Variants in EYA2 observed in about 807,000 individuals in gnomAD.
The protein encoded by EYA2 is EYA transcriptional coactivator and phosphatase 2, also known as protein phosphatase EYA2.
Under a neutral mutation model 69.2 loss-of-function variants are expected in EYA2, and 31 were observed. The ratio of observed to expected loss-of-function variants is 0.45; its 90% CI spans 0.34 to 0.60. The LOEUF (loss-of-function observed/expected upper bound fraction) is 0.60. Among genes scored for constraint, EYA2 ranks in the 20% least tolerant of loss-of-function variants. EYA2 has a pLI of 0.02. For missense variants in EYA2, 622 were observed against 701.2 expected, an observed-to-expected ratio of 0.89 and a Z score of 1.28; for synonymous variants, 257 against 279.4, an observed-to-expected ratio of 0.92 and a Z score of 0.80.
chr20:47,105,586 C>T (rs2032549951), intron 9 of EYA2, among the ~76,000 whole-genome samples: 3 of 142,174 alleles, frequency 2.1e-5, no homozygotes, highest in East Asian at 2.1e-4. Context: ...GATCACGCCA[C>T]TGAACTCCAG....
intron 9 of EYA2, among the ~76,000 whole-genome samples, chr20:47,136,559 C>A (rs1445455317): frequency 6.6e-6 from 1 of 151,938 alleles, no homozygotes; most frequent in Non-Finnish European, 1.5e-5. Context: ...CCCTGGGCCA[C>A]ATAGCAAGAC....
chr20:46,920,788 G>A (rs553305612), intron 1 of EYA2, among the ~76,000 whole-genome samples: 2 of 152,310 alleles, frequency 1.3e-5, no homozygotes, highest in African/African-American at 4.8e-5. Context: ...CCTCTCCAGA[G>A]GGCCAGAGCC....
chr20:47,035,844 A>G (rs77951579), intron 5 of EYA2, among the ~76,000 whole-genome samples: 4 of 143,986 alleles, frequency 2.8e-5, no homozygotes, highest in East Asian at 2.0e-4. Context: ...CCCGTCTCTG[A>G]AAAAAAAAAA....
chr20:46,895,522 G>C (rs1983761729), intron 1 of EYA2, among the ~76,000 whole-genome samples: 1 of 152,202 alleles, frequency 6.6e-6, no homozygotes. Context: ...GTCCGTTTGC[G>C]CTCGGCCCGC....
At chr20:46,904,613 G>A (rs563582842) in intron 1 of EYA2, among the ~76,000 whole-genome samples, 1 of 152,128 alleles carries the variant, frequency 6.6e-6, no homozygotes, top group Admixed American at 6.5e-5. Flanking sequence ...AAAAAAATGA[G>A]GTTCTTGCTC....
At chr20:47,011,205 C>G (rs972920120) in intron 4 of EYA2, among the ~76,000 whole-genome samples, 1 of 152,116 alleles carries the variant, frequency 6.6e-6, no homozygotes, top group Non-Finnish European at 1.5e-5. Flanking sequence ...GTCCAAAACC[C>G]TCATTGTAGT....
chr20:47,163,698 CAAAA>C (rs11471495), intron 10 of EYA2, among the ~76,000 whole-genome samples: 1,777 of 85,542 alleles, frequency 0.021, 43 homozygotes, highest in African/African-American at 0.071. Context: ...AACACTGTCT[CAAAA>C]AAAAAAAAAA....
intron 12 of EYA2, among the ~76,000 whole-genome samples, chr20:47,173,514 A>AAAG (rs1335391068): frequency 0.022 from 3,303 of 148,986 alleles, 190 homozygotes; most frequent in African/African-American, 0.075. Context: ...CCCCGTAAAA[A>AAAG]AAAAAAAAAA....
At chr20:47,173,763 G>A (rs2034376870) in intron 12 of EYA2, among the ~76,000 whole-genome samples, 1 of 152,074 alleles carries the variant, frequency 6.6e-6, no homozygotes, top group Non-Finnish European at 1.5e-5. Flanking sequence ...TGACTGTGGA[G>A]GCATTAAAGT....
At chr20:47,112,909 T>C (rs1477237463) in intron 9 of EYA2, among the ~76,000 whole-genome samples, 3 of 132,080 alleles carry the variant, frequency 2.3e-5, no homozygotes, top group Non-Finnish European at 3.2e-5. Flanking sequence ...TCTTATTCTG[T>C]CACCCGGGCT....
chr20:47,148,424 C>T (rs533113294), intron 10 of EYA2, among the ~76,000 whole-genome samples: 2 of 152,284 alleles, frequency 1.3e-5, no homozygotes, highest in East Asian at 1.9e-4. Flanking sequence ...AGTGGGGGTT[C>T]TATGGTACCA....
intron 10 of EYA2, among the ~76,000 whole-genome samples, chr20:47,162,516 C>CATT: frequency 9.8e-6 from 1 of 102,434 alleles, no homozygotes; most frequent in South Asian, 3.1e-4. Context: ...CACACATTAT[C>CATT]CTTTTTTTTT....
At chr20:47,115,324 A>C (rs1285118568) in intron 9 of EYA2, among the ~76,000 whole-genome samples, 1 of 152,158 alleles carries the variant, frequency 6.6e-6, no homozygotes, top group Non-Finnish European at 1.5e-5. Context: ...CTGGCCATAC[A>C]GGTGCCTTTG....
chr20:47,065,928 C>T (rs921329597), intron 5 of EYA2, among the ~76,000 whole-genome samples: 12 of 152,140 alleles, frequency 7.9e-5, no homozygotes, highest in African/African-American at 2.9e-4. Flanking sequence ...AGTGTCAACA[C>T]CATATCTAAA....
At chr20:47,097,416 A>T (rs974179149) in intron 9 of EYA2, among the ~76,000 whole-genome samples, 2 of 152,190 alleles carry the variant, frequency 1.3e-5, no homozygotes. Context: ...CATTTACTTG[A>T]TAGGAAATAC....
At chr20:47,081,987 C>T (rs1409857990) in intron 7 of EYA2, among the ~76,000 whole-genome samples, 1 of 151,456 alleles carries the variant, frequency 6.6e-6, no homozygotes, top group Non-Finnish European at 1.5e-5. Context: ...TTACAGGCGC[C>T]CACTACCATG....
intron 1 of EYA2, among the ~76,000 whole-genome samples, chr20:46,928,128 C>T (rs1184657168): frequency 6.6e-6 from 1 of 152,174 alleles, no homozygotes; most frequent in Non-Finnish European, 1.5e-5. Context: ...AAATGTCTTG[C>T]CCTACATTAC....
intron 8 of EYA2, among the ~76,000 whole-genome samples, chr20:47,094,715 A>G (rs1032788801): frequency 8.5e-5 from 13 of 152,226 alleles, no homozygotes; most frequent in African/African-American, 2.9e-4. Context: ...CCAGAAAAAT[A>G]AAGAAAATCA....
intron 5 of EYA2, 40 bp from the exon 6 acceptor site, chr20:47,072,140 AAAGAC>A (rs2031335345): frequency 6.4e-7 from 1 of 1,574,290 alleles, no homozygotes; most frequent in Non-Finnish European, 8.7e-7. Context: ...AAAGAGAAAA[AAAGAC>A]AAGAACCCTA....
Sources: allele counts gnomAD v4.1 joint callset (sites outside exome capture counted in the v4.1 genomes callset), GRCh38; gene constraint gnomAD v4.1.1; transcripts MANE v1.5; gene names NCBI Gene and HGNC (gene_info 2026-07-23, HGNC 2026-07-21).